SPATA17: variants seen among roughly 807,000 people sequenced by gnomAD.
SPATA17 encodes spermatogenesis associated 17.
In SPATA17, 53 loss-of-function variants were observed where a neutral mutation model predicts 62.2. The ratio of observed to expected loss-of-function variants is 0.85; its 90% confidence interval spans 0.68 to 1.07. The LOEUF is 1.07. Ranked by LOEUF, SPATA17 falls within the 50% of genes least tolerant of loss-of-function variation. The probability of loss-of-function intolerance (pLI) is 0.00; values close to 1 mark genes in which losing one functional copy is unlikely to be tolerated. For synonymous variants in SPATA17, 146 were observed against 146.8 expected, an observed-to-expected ratio of 0.99 and a Z score of 0.04; for missense variants, 466 against 425.5, an observed-to-expected ratio of 1.10 and a Z score of -0.84.
At chr1:217,684,020 T>C (rs989242738) in intron 5 of SPATA17, among the ~76,000 whole-genome samples, 37 of 152,168 alleles carry the variant, frequency 2.4e-4, no homozygotes, top group African/African-American at 8.2e-4. Context: ...TCAGATGCAT[T>C]TGAGAAACAT....
intron 5 of SPATA17, among the ~76,000 whole-genome samples, chr1:217,712,936 G>A (rs761749804): frequency 3.3e-5 from 5 of 152,094 alleles, no homozygotes; most frequent in Admixed American, 2.0e-4. Context: ...TTCACTCCCC[G>A]AACCTTGGCC....
chr1:217,685,608 C>T (rs745673842), intron 5 of SPATA17, among the ~76,000 whole-genome samples: 32 of 152,018 alleles, frequency 2.1e-4, no homozygotes, highest in Admixed American at 2.1e-3. Context: ...TTTTAATATA[C>T]TAACATGCAT....
At position 217,751,812 on chromosome 1, in the gene SPATA17, A is replaced by G. The variant is rs141438672; in HGVS notation, c.519+9714A>G. On this transcript the variant is annotated intron_variant, in intron 6 of 10. Coordinates refer to ENST00000366933, the MANE Select transcript of SPATA17 (RefSeq NM_138796.4). The stretch of plus-strand genomic sequence containing the variant: ...AGAATAAATAAAAATTAATTAAAAG[A>G]GAGCCACTTAGGTAGAAAAGGGCCT... Among the ~76,000 whole-genome samples, 21 of 152,278 alleles carry G rather than the reference A, an allele frequency of 1.4e-4. No individual in the cohort carries two copies. In the East Asian group the frequency reaches 3.3e-3, roughly 24 times the overall value.
intron 5 of SPATA17, among the ~76,000 whole-genome samples, chr1:217,700,762 C>CTTTT (rs71556698): frequency 5.2e-5 from 7 of 134,808 alleles, no homozygotes; most frequent in African/African-American, 1.7e-4. Context: ...TTTTCTTTTT[C>CTTTT]TTTTTTTTTT....
chr1:217,832,558 C>A (rs917116871), intron 9 of SPATA17, among the ~76,000 whole-genome samples: 9 of 152,038 alleles, frequency 5.9e-5, no homozygotes, highest in Non-Finnish European at 1.0e-4. Context: ...AATGTAGCTA[C>A]CATATTAATA....
intron 6 of SPATA17, among the ~76,000 whole-genome samples, chr1:217,770,138 G>A (rs1673403169): frequency 6.6e-6 from 1 of 152,068 alleles, no homozygotes; most frequent in Non-Finnish European, 1.5e-5. Flanking sequence ...CTTCCCTACT[G>A]GCTTAGTATA....
intron 4 of SPATA17, among the ~76,000 whole-genome samples, chr1:217,673,762 G>A (rs10495069): frequency 0.051 from 7,685 of 152,086 alleles, 261 homozygotes; most frequent in Middle Eastern, 0.12. Flanking sequence ...CCGGTTCCTG[G>A]CAATATTACA....
At chr1:217,795,601 C>G (rs1401390491) in intron 8 of SPATA17, among the ~76,000 whole-genome samples, 1 of 151,840 alleles carries the variant, frequency 6.6e-6, no homozygotes, top group South Asian at 2.1e-4. Context: ...CACTCCTGAC[C>G]TTAGGTGATC....
intron 6 of SPATA17, among the ~76,000 whole-genome samples, chr1:217,745,606 A>C (rs2102951080): frequency 6.6e-6 from 1 of 152,270 alleles, no homozygotes; most frequent in Non-Finnish European, 1.5e-5. Flanking sequence ...CTAAGATTTA[A>C]TAAATATAAT....
At position 217,684,347 on chromosome 1, in the gene SPATA17, A is replaced by G. The variant is rs190137326; in HGVS notation, c.395+986A>G. Among the ~76,000 whole-genome samples the G allele has an allele frequency of 5.9e-5, 9 of 152,318 alleles. No individual in the cohort carries two copies. The East Asian group carries it at 1.7e-3, about 29-fold the overall frequency. ...TAAAAAAGAAATACTAATTAATAAT[A>G]GTTGGTATTTATAGAACAGTCTCAC... is the stretch of plus-strand genomic sequence containing the variant. On this transcript the variant is annotated intron_variant, in intron 5 of 10. Transcript: ENST00000366933.
chr1:217,777,638 G>C (rs1219125025), intron 7 of SPATA17, among the ~76,000 whole-genome samples: 2 of 152,130 alleles, frequency 1.3e-5, no homozygotes, highest in Non-Finnish European at 2.9e-5. Context: ...CTGACCTCAG[G>C]TGATCTGCCT....
intron 8 of SPATA17, among the ~76,000 whole-genome samples, chr1:217,790,181 C>T (rs905994970): frequency 1.3e-5 from 2 of 152,146 alleles, no homozygotes; most frequent in African/African-American, 4.8e-5. Context: ...TATCTGGGGT[C>T]TAAGTGCCAA....
chr1:217,712,414 C>T (rs1671896896), intron 5 of SPATA17, among the ~76,000 whole-genome samples: 1 of 152,152 alleles, frequency 6.6e-6, no homozygotes. Flanking sequence ...GCGTGAGCCA[C>T]CGCACCTGGC....
At chr1:217,633,120 C>T (rs910449763) in intron 1 of SPATA17, among the ~76,000 whole-genome samples, 3 of 152,082 alleles carry the variant, frequency 2.0e-5, no homozygotes, top group Admixed American at 6.5e-5. Flanking sequence ...ATCAGTTGAA[C>T]CCAGGAGGCA....
chr1:217,720,731 AAATCTAGAG>A (rs1415251315), intron 5 of SPATA17, among the ~76,000 whole-genome samples: 4 of 152,216 alleles, frequency 2.6e-5, no homozygotes, highest in Admixed American at 2.0e-4. Flanking sequence ...TATAAGAGAG[AAATCTAGAG>A]AATACAGAAA....
chr1:217,800,265 CA>C (rs34846972), intron 8 of SPATA17, among the ~76,000 whole-genome samples: 35,517 of 151,962 alleles, frequency 0.23, 4,453 homozygotes, highest in East Asian at 0.49. Context: ...GCTTTTTAAT[CA>C]AAACATCCCC....
intron 5 of SPATA17, among the ~76,000 whole-genome samples, chr1:217,714,985 T>G (rs1671969595): frequency 6.6e-6 from 1 of 152,180 alleles, no homozygotes; most frequent in Admixed American, 6.6e-5. Context: ...TACAAAAATC[T>G]ATGTATTTAT....
intron 3 of SPATA17, among the ~76,000 whole-genome samples, chr1:217,664,586 C>T (rs1461325011): frequency 6.6e-6 from 1 of 152,098 alleles, no homozygotes; most frequent in Non-Finnish European, 1.5e-5. Flanking sequence ...TAAACCACCA[C>T]ACCCGGCCCA....
chr1:217,660,173 C>T (rs1197046556), intron 3 of SPATA17, among the ~76,000 whole-genome samples: 3 of 152,194 alleles, frequency 2.0e-5, no homozygotes, highest in African/African-American at 7.2e-5. Flanking sequence ...ACGTATCCCT[C>T]AAGACTTTAC....
Sources: allele counts gnomAD v4.1 joint callset (sites outside exome capture counted in the v4.1 genomes callset), GRCh38; gene constraint gnomAD v4.1.1; transcripts MANE v1.5; gene names NCBI Gene and HGNC (gene_info 2026-07-23, HGNC 2026-07-21).